TDG: variants seen among roughly 807,000 people sequenced by gnomAD.
TDG encodes thymine DNA glycosylase.
Under a neutral mutation model 46.1 loss-of-function variants are expected in TDG, and 23 were observed. That is an observed-to-expected ratio of 0.50 (90% CI 0.36 to 0.71). The LOEUF (loss-of-function observed/expected upper bound fraction) is 0.71, where lower values mean the gene tolerates loss of function less well. Ranked by LOEUF, TDG falls within the 30% of genes least tolerant of loss-of-function variation. The probability of loss-of-function intolerance (pLI) is 0.00; values close to 1 mark genes in which losing one functional copy is unlikely to be tolerated. For synonymous variants in TDG, 115 were observed against 161.3 expected, an observed-to-expected ratio of 0.71 and a Z score of 2.18; for missense variants, 304 against 486.7, an observed-to-expected ratio of 0.62 and a Z score of 3.53.
chr12:103,966,101 ACTGCT>A, intron 1 of TDG, 41 bp downstream of exon 1: 4 of 1,511,096 alleles, frequency 2.6e-6, no homozygotes, highest in Non-Finnish European at 3.5e-6. Flanking sequence ...TGCGCCCCTC[ACTGCT>A]GGGCAGGCTG....
chr12:103,969,641 C>T (rs953125592), intron 1 of TDG, among the ~76,000 whole-genome samples: 1 of 152,190 alleles, frequency 6.6e-6, no homozygotes, highest in Admixed American at 6.5e-5. Flanking sequence ...AAAGAAGAGG[C>T]ACAATCCTAT....
chr12:103,986,718 G>GAAA, intron 9 of TDG: 6 of 338,806 alleles, frequency 1.8e-5, no homozygotes, highest in East Asian at 4.8e-5. Flanking sequence ...GTCTCAAAAA[G>GAAA]AAAAAAAAAA....
intron 8 of TDG, 148 bp from the exon 9 acceptor site, chr12:103,985,455 T>A (rs1359132220): frequency 2.2e-6 from 2 of 900,640 alleles, no homozygotes; most frequent in Non-Finnish European, 3.1e-6. Context: ...GTTTATTTAG[T>A]ACATGCTATA....
chr12:103,969,832 C>T (rs4135054), intron 1 of TDG, among the ~76,000 whole-genome samples: 26,692 of 152,036 alleles, frequency 0.18, 3,112 homozygotes, highest in African/African-American at 0.33. Flanking sequence ...TGCTCATTTT[C>T]GGGCTGATGA....
rs115082675 is a variant in TDG at position 103,971,590 on chromosome 12, A to G, written c.24-5328A>G. Among the ~76,000 whole-genome samples, 327 of 152,168 alleles carry G rather than the reference A, an allele frequency of 2.1e-3. 2 individuals carry two copies. Among genetic ancestry groups the G allele is most frequent in the African/African-American group, 6.7e-3 (279 of 41,522 alleles). On this transcript the variant is annotated intron_variant, in intron 1 of 9. Transcript: ENST00000392872. ...ACAAACAAAAAACAACAGAAAAACA[A>G]TCTATGAGCGCTGCAGTTCAACAGA...
chr12:103,984,994 C>A, intron 8 of TDG, 74 bp downstream of exon 8: 1 of 1,186,604 alleles, frequency 8.4e-7, no homozygotes, highest in Non-Finnish European at 1.1e-6. Flanking sequence ...CATATATATA[C>A]ACATATACAT....
intron 1 of TDG, among the ~76,000 whole-genome samples, chr12:103,972,708 A>G (rs1474990000): frequency 1.3e-5 from 2 of 152,224 alleles, no homozygotes; most frequent in Non-Finnish European, 2.9e-5. Flanking sequence ...TTTCATTATT[A>G]TAGATAAGTT....
At chr12:103,979,109 C>CTTTTCTT (rs1555274553) in intron 2 of TDG, among the ~76,000 whole-genome samples, 2 of 123,604 alleles carry the variant, frequency 1.6e-5, no homozygotes, top group Non-Finnish European at 3.2e-5. Context: ...TTTTTTCTTT[C>CTTTTCTT]TTTTTTTTTT....
At chr12:103,984,008 AGAT>A (rs1370202563) in intron 7 of TDG, among the ~76,000 whole-genome samples, 1 of 152,238 alleles carries the variant, frequency 6.6e-6, no homozygotes, top group Non-Finnish European at 1.5e-5. Flanking sequence ...CACAGTGCAC[AGAT>A]TTACATGTTG....
intron 4 of TDG, among the ~76,000 whole-genome samples, chr12:103,982,291 T>C (rs4135109): frequency 0.081 from 12,386 of 152,262 alleles, 1,011 homozygotes; most frequent in African/African-American, 0.2. Flanking sequence ...CTTTCTTCAC[T>C]GTCAAGGTGT....
intron 4 of TDG, among the ~76,000 whole-genome samples, chr12:103,982,049 G>A (rs958738254): frequency 3.3e-5 from 5 of 151,964 alleles, no homozygotes; most frequent in Non-Finnish European, 5.9e-5. Flanking sequence ...AAAAACAAGC[G>A]TAACTACTGT....
chr12:103,987,322 T>C lies in TDG; in HGVS notation c.*232T>C, dbSNP rs1183889651. On this transcript the variant is annotated 3_prime_UTR_variant, in exon 10 of 10. Coordinates refer to ENST00000392872, the MANE Select transcript of TDG (RefSeq NM_003211.6). ...TTTGAATTAATTATCATTCCAGCTTTTTATATACTATATTTCATTTATGAA... is the reference window on the plus strand; with the variant it reads ...TTTGAATTAATTATCATTCCAGCTTCTTATATACTATATTTCATTTATGAA... The C allele has an allele frequency of 1.9e-6, 1 of 518,018 alleles. No homozygotes were observed. Among genetic ancestry groups the C allele is most frequent in the Admixed American group, 3.5e-5 (1 of 28,768 alleles). 32.1% of individuals were successfully genotyped at this position (518,018 alleles called of 1,614,324 possible). A position where few individuals can be genotyped will look rare whatever the true frequency, so the allele number is the denominator to read the frequency against.
chr12:103,981,980 C>T (rs187684423), intron 4 of TDG, among the ~76,000 whole-genome samples: 3 of 152,318 alleles, frequency 2.0e-5, no homozygotes, highest in African/African-American at 7.2e-5. Flanking sequence ...CTCCACTGCA[C>T]TCCAGCCTAG....
intron 1 of TDG, chr12:103,972,913 A>G: frequency 1.5e-6 from 1 of 659,494 alleles, no homozygotes; most frequent in Non-Finnish European, 2.7e-6. Flanking sequence ...AAAGTAAAGA[A>G]TCCTGTTGTA....
At chr12:103,971,027 G>C (rs1871263261) in intron 1 of TDG, among the ~76,000 whole-genome samples, 1 of 152,108 alleles carries the variant, frequency 6.6e-6, no homozygotes, top group Non-Finnish European at 1.5e-5. Flanking sequence ...ATTGTATTAG[G>C]TATTATAAAT....
At chr12:103,985,807 G>C (rs1872127887) in intron 9 of TDG, 79 bp downstream of exon 9, 1 of 1,320,394 alleles carries the variant, frequency 7.6e-7, no homozygotes, top group Non-Finnish European at 9.9e-7. Context: ...TAGAAGGAGA[G>C]TAAATTATTG....
chr12:103,971,466 G>C (rs1006983955), intron 1 of TDG, among the ~76,000 whole-genome samples: 1 of 152,150 alleles, frequency 6.6e-6, no homozygotes, highest in Non-Finnish European at 1.5e-5. Context: ...TGAGGCAGGA[G>C]AATCACTTGA....
At chr12:103,967,204 C>G (rs1166224680) in intron 1 of TDG, among the ~76,000 whole-genome samples, 1 of 152,184 alleles carries the variant, frequency 6.6e-6, no homozygotes, top group Non-Finnish European at 1.5e-5. Flanking sequence ...CAGGGTCTTA[C>G]AGCAAAATAG....
chr12:103,978,852 A>G (rs970846143), intron 2 of TDG, among the ~76,000 whole-genome samples: 2 of 152,156 alleles, frequency 1.3e-5, no homozygotes, highest in East Asian at 1.9e-4. Context: ...CAGGGGTGCT[A>G]TTAAACATTC....
Sources: gnomAD v4.1 joint callset for allele counts (sites outside exome capture counted in the v4.1 genomes callset) on GRCh38, gnomAD v4.1.1 for gene constraint, MANE v1.5 for transcripts, NCBI Gene and HGNC (gene_info 2026-07-23, HGNC 2026-07-21) for gene names.